The following ZNF804A variants were observed in gnomAD, a reference collection of about 807,000 sequenced individuals.
ZNF804A encodes the protein zinc finger protein 804A.
Under a neutral mutation model 16.5 loss-of-function variants are expected in ZNF804A, and 2 were observed. The ratio of observed to expected loss-of-function variants is 0.12; its 90% CI spans 0.05 to 0.38. The LOEUF is 0.38. Among genes scored for constraint, ZNF804A ranks in the 10% least tolerant of loss-of-function variants. The probability of loss-of-function intolerance (pLI) is 0.99; values close to 1 mark genes in which losing one functional copy is unlikely to be tolerated. For missense variants in ZNF804A, 1,473 were observed against 1,390.7 expected (o/e 1.06, Z -0.94); for synonymous variants, 534 against 489.6 (o/e 1.09, Z -1.20).
Position 184,909,601 on chromosome 2 carries a change from A to C in ZNF804A, c.256-24002A>C, listed in dbSNP as rs538137849. Among the ~76,000 whole-genome samples the C allele has an allele frequency of 3.9e-5, 6 of 152,160 alleles. No individual in the cohort carries two copies. The South Asian group carries it at 1.2e-3, about 31-fold the overall frequency. On this transcript the variant is annotated intron_variant, in intron 2 of 3. Transcript: ENST00000302277. ...CATGGTATTTATTCCTTTAAACAAT[A>C]ATGCCACTTTCTTAAATCATAATTT...
chr2:184,921,393 A>G (rs1223524180), intron 2 of ZNF804A, among the ~76,000 whole-genome samples: 1 of 152,188 alleles, frequency 6.6e-6, no homozygotes. Context: ...TGTGCATAGA[A>G]GATCAAGATT....
At chr2:184,604,631 A>G (rs1691112104) in intron 1 of ZNF804A, among the ~76,000 whole-genome samples, 1 of 152,116 alleles carries the variant, frequency 6.6e-6, no homozygotes, top group South Asian at 2.1e-4. Context: ...TTGGAAGAAG[A>G]CACTTCTCCG....
At position 184,670,229 on chromosome 2, in the gene ZNF804A, CTATCAGCCCAATG is replaced by C. The variant is rs1402447388; in HGVS notation, c.111+71163_111+71175del. ...TTCTGTTTATTCTGAATGTTATGTA[CTATCAGCCCAATG>C]TATTTAATTGTTGGTTTGATTTAAT... On this transcript the variant is annotated intron_variant, in intron 1 of 3. Coordinates refer to ENST00000302277, the MANE Select transcript of ZNF804A (RefSeq NM_194250.2). 2.0e-5 allele frequency among the ~76,000 whole-genome samples: 3 copies of C among 152,004 alleles called. No individual in the cohort carries two copies. The East Asian group carries it at 5.8e-4, about 29-fold the overall frequency.
intron 2 of ZNF804A, among the ~76,000 whole-genome samples, chr2:184,877,902 AAG>A (rs1684734700): frequency 6.6e-6 from 1 of 152,134 alleles, no homozygotes; most frequent in African/African-American, 2.4e-5. Context: ...GAGAGAAACA[AAG>A]AGAATGGAGA....
intron 1 of ZNF804A, among the ~76,000 whole-genome samples, chr2:184,757,092 C>A (rs1022790489): frequency 6.6e-6 from 1 of 152,054 alleles, no homozygotes; most frequent in African/African-American, 2.4e-5. Flanking sequence ...ATTAATTTAT[C>A]TTACATGATA....
chr2:184,859,852 A>G (rs2105808081), intron 1 of ZNF804A, among the ~76,000 whole-genome samples: 1 of 152,300 alleles, frequency 6.6e-6, no homozygotes, highest in African/African-American at 2.4e-5. Context: ...CTAGGTCAGG[A>G]GGTAGGTGGG....
intron 1 of ZNF804A, among the ~76,000 whole-genome samples, chr2:184,622,397 T>C: frequency 6.6e-6 from 1 of 151,672 alleles, no homozygotes; most frequent in East Asian, 1.9e-4. Flanking sequence ...AACTTAACAA[T>C]GTTCTGATCA....
chr2:184,848,373 A>G (rs1385690647), intron 1 of ZNF804A, among the ~76,000 whole-genome samples: 2 of 152,044 alleles, frequency 1.3e-5, no homozygotes. Context: ...CCTCATTGTT[A>G]ATATAGCTAT....
intron 1 of ZNF804A, among the ~76,000 whole-genome samples, chr2:184,699,983 G>A (rs1692894466): frequency 6.6e-6 from 1 of 152,028 alleles, no homozygotes; most frequent in African/African-American, 2.4e-5. Context: ...GCCTCTAAGA[G>A]CAGTGCAAGA....
At chr2:184,787,108 C>G (rs1278785452) in intron 1 of ZNF804A, among the ~76,000 whole-genome samples, 1 of 151,900 alleles carries the variant, frequency 6.6e-6, no homozygotes, top group Non-Finnish European at 1.5e-5. Context: ...ACCCTCACCT[C>G]TCTTACTGTA....
At chr2:184,904,342 A>G (rs1193565630) in intron 2 of ZNF804A, among the ~76,000 whole-genome samples, 1 of 152,116 alleles carries the variant, frequency 6.6e-6, no homozygotes. Flanking sequence ...TTAAAGTGTT[A>G]TAGAATGAGG....
At chr2:184,650,150 T>A (rs1330700817) in intron 1 of ZNF804A, among the ~76,000 whole-genome samples, 1 of 152,048 alleles carries the variant, frequency 6.6e-6, no homozygotes, top group Non-Finnish European at 1.5e-5. Flanking sequence ...CAAGGTTGGG[T>A]CAATATACAC....
chr2:184,766,781 C>G (rs1471093157), intron 1 of ZNF804A, among the ~76,000 whole-genome samples: 1 of 152,090 alleles, frequency 6.6e-6, no homozygotes, highest in East Asian at 1.9e-4. Flanking sequence ...ATAGCAACAT[C>G]ATTCACAATA....
chr2:184,729,427 C>A (rs1693475729), intron 1 of ZNF804A, among the ~76,000 whole-genome samples: 1 of 151,692 alleles, frequency 6.6e-6, no homozygotes, highest in Non-Finnish European at 1.5e-5. Flanking sequence ...ACAGTGAAAC[C>A]ATCTTTAAAT....
At chr2:184,873,463 G>A (rs1019533367) in intron 2 of ZNF804A, among the ~76,000 whole-genome samples, 1 of 152,106 alleles carries the variant, frequency 6.6e-6, no homozygotes, top group South Asian at 2.1e-4. Flanking sequence ...ATTCCAGCCT[G>A]GGTGACAGAG....
intron 1 of ZNF804A, among the ~76,000 whole-genome samples, chr2:184,736,937 C>T: frequency 6.8e-6 from 1 of 147,624 alleles, no homozygotes; most frequent in South Asian, 2.1e-4. Context: ...TATGAACATT[C>T]TTGTGTTTTT....
At chr2:184,685,058 T>C (rs573606056) in intron 1 of ZNF804A, among the ~76,000 whole-genome samples, 7 of 152,126 alleles carry the variant, frequency 4.6e-5, no homozygotes, top group African/African-American at 9.6e-5. Context: ...CCTGCCAAGA[T>C]TGAGGGAGGC....
In ZNF804A at chr2:184,787,765, G is replaced by A. The variant is rs76451740; in HGVS notation, c.112-78604G>A. Reference sequence around the variant, plus strand: ...TTTTGTATATTTGACCTTTATTGGAGACATAATTTGTAAATATTTTCTCCC... The same window carrying A: ...TTTTGTATATTTGACCTTTATTGGAAACATAATTTGTAAATATTTTCTCCC... On this transcript the variant is annotated intron_variant, in intron 1 of 3. Coordinates refer to ENST00000302277, the MANE Select transcript of ZNF804A (RefSeq NM_194250.2). 7.7e-3 allele frequency among the ~76,000 whole-genome samples: 1,161 copies of A among 150,274 alleles called. 17 individuals are homozygous for A. Among genetic ancestry groups the A allele is most frequent in the African/African-American group, 0.027 (1,104 of 41,190 alleles).
At chr2:184,882,221 T>A (rs1342814307) in intron 2 of ZNF804A, among the ~76,000 whole-genome samples, 2 of 152,010 alleles carry the variant, frequency 1.3e-5, no homozygotes. Context: ...GGTATAGAGC[T>A]CATATCAACA....
Sources: gnomAD v4.1 joint callset for allele counts (sites outside exome capture counted in the v4.1 genomes callset) on GRCh38, gnomAD v4.1.1 for gene constraint, MANE v1.5 for transcripts, NCBI Gene and HGNC (gene_info 2026-07-23, HGNC 2026-07-21) for gene names.